LYPD6: variants seen among roughly 807,000 people sequenced by gnomAD.
The protein encoded by LYPD6 is LY6/PLAUR domain containing 6, also known as ly6/PLAUR domain-containing protein 6.
LYPD6 carries 15 observed loss-of-function variants against 22.7 expected under a neutral mutation model. The ratio of observed to expected loss-of-function variants is 0.66; its 90% CI spans 0.44 to 1.02. The LOEUF (loss-of-function observed/expected upper bound fraction) is 1.02, where lower values mean the gene tolerates loss of function less well. Among genes scored for constraint, LYPD6 ranks in the 50% least tolerant of loss-of-function variants. The pLI is 0.00. For missense variants in LYPD6, 189 were observed against 208.4 expected (o/e 0.91, Z 0.57); for synonymous variants, 72 against 77.5 (o/e 0.93, Z 0.37).
intron 3 of LYPD6, among the ~76,000 whole-genome samples, chr2:149,457,660 C>T (rs1680992663): frequency 6.6e-6 from 1 of 152,150 alleles, no homozygotes; most frequent in Non-Finnish European, 1.5e-5. Context: ...ACAGAGCAGT[C>T]TGCCCAAAAC....
chr2:149,459,091 C>G (rs1474109806), intron 3 of LYPD6, among the ~76,000 whole-genome samples: 1 of 152,128 alleles, frequency 6.6e-6, no homozygotes, highest in African/African-American at 2.4e-5. Flanking sequence ...GAGGACAAAA[C>G]TAAAGCAATC....
chr2:149,330,199 G>C (rs139411114), upstream of LYPD6: 1 of 152,286 alleles, frequency 6.6e-6, no homozygotes, highest in African/African-American at 2.4e-5. Context: ...TCGCGCACAG[G>C]AAGGTATCGG....
chr2:149,375,027 T>G (rs1681886940), intron 1 of LYPD6, among the ~76,000 whole-genome samples: 2 of 152,292 alleles, frequency 1.3e-5, no homozygotes, highest in South Asian at 4.1e-4. Context: ...TGATCTTCAG[T>G]CTTCAAGGAT....
At chr2:149,452,120 A>G (rs1680840752) in intron 3 of LYPD6, among the ~76,000 whole-genome samples, 1 of 152,210 alleles carries the variant, frequency 6.6e-6, no homozygotes, top group African/African-American at 2.4e-5. Context: ...GCAAAGGCAT[A>G]GAGACAAGAC....
chr2:149,405,427 A>G (rs1199252297), intron 1 of LYPD6, among the ~76,000 whole-genome samples: 2 of 152,288 alleles, frequency 1.3e-5, no homozygotes, highest in African/African-American at 4.8e-5. Context: ...TTATTGGTCT[A>G]TTCAGGGATT....
chr2:149,370,841 TC>T (rs1301267984), intron 1 of LYPD6, among the ~76,000 whole-genome samples: 1 of 152,146 alleles, frequency 6.6e-6, no homozygotes, highest in Non-Finnish European at 1.5e-5. Flanking sequence ...GCACCTGTAG[TC>T]CCTGCTACTC....
chr2:149,449,898 C>A (rs1447277501), intron 3 of LYPD6, among the ~76,000 whole-genome samples: 1 of 152,094 alleles, frequency 6.6e-6, no homozygotes, highest in African/African-American at 2.4e-5. Flanking sequence ...TGATCTAATT[C>A]AGTTGTTAAA....
intron 1 of LYPD6, among the ~76,000 whole-genome samples, chr2:149,388,453 C>T (rs1362911256): frequency 6.6e-6 from 1 of 152,076 alleles, no homozygotes; most frequent in African/African-American, 2.4e-5. Flanking sequence ...ATCTCAAGCC[C>T]TTTTGGGTGG....
At chr2:149,463,228 A>G (rs1681125211) in intron 3 of LYPD6, among the ~76,000 whole-genome samples, 1 of 152,154 alleles carries the variant, frequency 6.6e-6, no homozygotes, top group South Asian at 2.1e-4. Flanking sequence ...TAGGAAAAAT[A>G]TGAATAGACA....
intron 1 of LYPD6, among the ~76,000 whole-genome samples, chr2:149,413,024 T>C (rs1489870252): frequency 6.6e-6 from 1 of 152,190 alleles, no homozygotes; most frequent in Non-Finnish European, 1.5e-5. Context: ...CGAATTTCTA[T>C]TGTTTTTGAG....
downstream of LYPD6, among the ~76,000 whole-genome samples, chr2:149,477,223 G>A (rs756201245): frequency 1.3e-5 from 2 of 152,192 alleles, no homozygotes; most frequent in Non-Finnish European, 2.9e-5. Flanking sequence ...CAAGTGTGCT[G>A]TGTAGAGACA....
At chr2:149,369,680 C>T (rs1248531241) in intron 1 of LYPD6, among the ~76,000 whole-genome samples, 1 of 151,988 alleles carries the variant, frequency 6.6e-6, no homozygotes, top group Non-Finnish European at 1.5e-5. Flanking sequence ...GTCAAAAAAG[C>T]CAGACAAAGG....
chr2:149,441,532 C>A (rs2105154634), intron 2 of LYPD6, among the ~76,000 whole-genome samples: 1 of 152,284 alleles, frequency 6.6e-6, no homozygotes, highest in South Asian at 2.1e-4. Context: ...GTTTCCTAAT[C>A]TTTGAAGTTT....
intron 1 of LYPD6, among the ~76,000 whole-genome samples, chr2:149,410,012 A>G (rs959575019): frequency 2.0e-5 from 3 of 152,156 alleles, no homozygotes; most frequent in African/African-American, 7.2e-5. Context: ...GCATCTCCAC[A>G]CACTGCTCTG....
At chr2:149,415,585 A>T (rs1163902135) in intron 1 of LYPD6, among the ~76,000 whole-genome samples, 1 of 152,018 alleles carries the variant, frequency 6.6e-6, no homozygotes, top group Non-Finnish European at 1.5e-5. Flanking sequence ...TGCAGGTCTC[A>T]CCCTTAACGA....
intron 1 of LYPD6, among the ~76,000 whole-genome samples, chr2:149,349,334 G>T (rs948360083): frequency 6.6e-6 from 1 of 152,146 alleles, no homozygotes; most frequent in Non-Finnish European, 1.5e-5. Flanking sequence ...TTTGCTGTAG[G>T]TACAGAGAGA....
downstream of LYPD6, among the ~76,000 whole-genome samples, chr2:149,474,846 G>A (rs1284544395): frequency 6.6e-6 from 1 of 151,960 alleles, no homozygotes; most frequent in African/African-American, 2.4e-5. Flanking sequence ...CACACTTACT[G>A]CAACTTCTGC....
In LYPD6 at chr2:149,449,038, C is replaced by A; in HGVS notation, c.119-11C>A. ...TAAAAATTAATCTTTTCTCTTAATCCTTTTTTTTAGCCACACCATATCCTG... is the reference window on the plus strand; with the variant it reads ...TAAAAATTAATCTTTTCTCTTAATCATTTTTTTTAGCCACACCATATCCTG... On this transcript the variant is annotated splice_polypyrimidine_tract_variant and intron_variant, in intron 2 of 4. Coordinates refer to ENST00000334166, the MANE Select transcript of LYPD6 (RefSeq NM_194317.5). 1.3e-6 allele frequency: 2 copies of A among 1,584,520 alleles called. No individual in the cohort carries two copies. The highest frequency in any genetic ancestry group is 1.7e-6 in the Non-Finnish European group (2 of 1,157,332).
intron 1 of LYPD6, among the ~76,000 whole-genome samples, chr2:149,386,714 G>C (rs1682193004): frequency 6.6e-6 from 1 of 152,200 alleles, no homozygotes; most frequent in African/African-American, 2.4e-5. Flanking sequence ...GGAGAGAATG[G>C]ATATAAAGTA....
Sources: allele counts gnomAD v4.1 joint callset (sites outside exome capture counted in the v4.1 genomes callset), GRCh38; gene constraint gnomAD v4.1.1; transcripts MANE v1.5; gene names NCBI Gene and HGNC (gene_info 2026-07-23, HGNC 2026-07-21).